DOCK11: variants seen among roughly 807,000 people sequenced by gnomAD.
DOCK11 encodes the protein dedicator of cytokinesis protein 11.
Under a neutral mutation model 169.1 loss-of-function variants are expected in DOCK11, and 70 were observed. The observed-to-expected ratio is 0.41, with a 90% CI of 0.34 to 0.51. The LOEUF (loss-of-function observed/expected upper bound fraction) is 0.51. Among genes scored for constraint, DOCK11 ranks in the 20% least tolerant of loss-of-function variants. The pLI is 0.10. For synonymous variants in DOCK11, 529 were observed against 541.3 expected (o/e 0.98, Z 0.32); for missense variants, 1,166 against 1,538.8 (o/e 0.76, Z 4.05).
intron 1 of DOCK11, among the ~76,000 whole-genome samples, chrX:118,509,726 G>A (rs926903467): frequency 2.7e-5 from 3 of 112,470 alleles, no homozygotes; most frequent in Non-Finnish European, 3.8e-5. Flanking sequence ...TAACACAGAT[G>A]TGTTCCAGTT....
chrX:118,556,201 C>A (rs190032758), intron 6 of DOCK11, among the ~76,000 whole-genome samples: 37 of 107,888 alleles, frequency 3.4e-4, no homozygotes, highest in African/African-American at 1.2e-3. Flanking sequence ...TGCACCACCA[C>A]GCCCAGCTAA....
Position 118,575,382 on chromosome X carries a change from T to G in DOCK11, c.1389+1364T>G, listed in dbSNP as rs766013482. Among the ~76,000 whole-genome samples the G allele has an allele frequency of 1.2e-4, 13 of 112,614 alleles. No homozygotes were observed. In the East Asian group the frequency reaches 3.3e-3, roughly 29 times the overall value. ...ATGACATTTCATTGATTTAGCTACT[T>G]AAGACATTTCTAATTATTTGCTATC... is the stretch of plus-strand genomic sequence containing the variant. On this transcript the variant is annotated intron_variant, in intron 12 of 52. Coordinates refer to ENST00000276202, the MANE Select transcript of DOCK11 (RefSeq NM_144658.4).
chrX:118,681,197 C>T lies in DOCK11; in HGVS notation c.5811C>T (p.Asp1937=), dbSNP rs757433157. The change falls in exon 50 of 53, where the codon GAC becomes GAT. Residue 1937 remains aspartate (D), a synonymous_variant. Transcript: ENST00000276202. ...TGCAAAAGCTTTGCTCCTCTACTGACGTGGACATGATTCAGCTCCAACTTA... is the reference window on the plus strand; with the variant it reads ...TGCAAAAGCTTTGCTCCTCTACTGATGTGGACATGATTCAGCTCCAACTTA... ...AELQKLCSST[D]VDMIQLQLKL... is the part of the protein sequence containing the mutation. 1 of 1,204,910 alleles carries T rather than the reference C, an allele frequency of 8.3e-7. No individual in the cohort carries two copies. The highest frequency in any genetic ancestry group is 1.8e-5 in the South Asian group (1 of 55,123).
intron 23 of DOCK11, among the ~76,000 whole-genome samples, chrX:118,603,246 G>A (rs752173735): frequency 1.1e-4 from 12 of 113,001 alleles, no homozygotes; most frequent in African/African-American, 3.8e-4. Flanking sequence ...GCATTGTGAG[G>A]GGAGGATGGC....
intron 23 of DOCK11, among the ~76,000 whole-genome samples, chrX:118,602,771 G>A (rs1197160878): frequency 8.9e-6 from 1 of 111,897 alleles, no homozygotes; most frequent in Non-Finnish European, 1.9e-5. Flanking sequence ...GAACTCCTGA[G>A]TTCAAGTAAT....
chrX:118,580,191 TATA>T lies in DOCK11; in HGVS notation c.1595+15_1595+17del, dbSNP rs772915717. 9.2e-6 allele frequency: 11 copies of T among 1,192,353 alleles called. No homozygotes were observed. The highest frequency in any genetic ancestry group is 1.1e-5 in the Non-Finnish European group (10 of 881,657). Reference sequence around the variant, plus strand: ...GCTTGGGCTGCCAGGTTTGTACAAATATAATCCTGACCCGCTCACTCGTGTTCA... The same window carrying T: ...GCTTGGGCTGCCAGGTTTGTACAAATATCCTGACCCGCTCACTCGTGTTCA... On this transcript the variant is annotated intron_variant, in intron 14 of 52. Coordinates refer to ENST00000276202, the MANE Select transcript of DOCK11 (RefSeq NM_144658.4).
intron 38 of DOCK11, 91 bp downstream of exon 38, chrX:118,639,668 C>T: frequency 3.1e-6 from 3 of 962,885 alleles, no homozygotes; most frequent in Middle Eastern, 3.5e-4. Flanking sequence ...ACCATAAATA[C>T]CTTGATCATT....
At chrX:118,646,922 A>G (rs938330455) in intron 40 of DOCK11, among the ~76,000 whole-genome samples, 1 of 111,304 alleles carries the variant, frequency 9.0e-6, no homozygotes, top group Non-Finnish European at 1.9e-5. Flanking sequence ...AAAAACATCT[A>G]TTGTGTATCC....
At chrX:118,681,657 C>A in intron 50 of DOCK11, 37 bp from the exon 51 acceptor site, 1 of 1,012,131 alleles carries the variant, frequency 9.9e-7, no homozygotes, top group Non-Finnish European at 1.3e-6. Flanking sequence ...TTATTGCATT[C>A]TGGAAACACT....
intron 1 of DOCK11, among the ~76,000 whole-genome samples, chrX:118,541,599 CAGTT>C (rs1301127814): frequency 1.8e-5 from 2 of 112,017 alleles, no homozygotes; most frequent in Non-Finnish European, 3.8e-5. Flanking sequence ...TACTTAACCT[CAGTT>C]AGGTCCAGAG....
chrX:118,644,745 T>G (rs1248495467), intron 40 of DOCK11, among the ~76,000 whole-genome samples: 2 of 112,061 alleles, frequency 1.8e-5, no homozygotes, highest in African/African-American at 6.5e-5. Context: ...AAACTAAAGA[T>G]GTAAATGGAG....
intron 36 of DOCK11, among the ~76,000 whole-genome samples, chrX:118,637,454 G>T (rs1250634877): frequency 8.9e-6 from 1 of 111,905 alleles, no homozygotes; most frequent in Non-Finnish European, 1.9e-5. Flanking sequence ...GAACCTTTTA[G>T]AGATATTATT....
At position 118,639,571 on chromosome X, in the gene DOCK11, A is replaced by G. The variant is rs1451986605; in HGVS notation, c.4138A>G (p.Asn1380Asp). The G allele has an allele frequency of 1.7e-6, 2 of 1,208,661 alleles. No homozygotes were observed. Among genetic ancestry groups the G allele is most frequent in the Non-Finnish European group, 1.1e-6 (1 of 893,479 alleles). ...LSSLESSFTL[N>D]HSSTTTEADI... ...TAGCCTAGAAAGTTCATTTACACTT[A>G]ATCACAGTAAGTGAAAATGTGTGTG... The change falls in exon 38 of 53, where the codon AAT becomes GAT. Residue 1380 changes from asparagine to aspartate, a missense_variant. By Grantham distance (23) the Asn-to-Asp change is conservative (BLOSUM62 1). Transcript: ENST00000276202.
intron 40 of DOCK11, among the ~76,000 whole-genome samples, chrX:118,644,584 A>G (rs900193512): frequency 1.8e-5 from 2 of 112,090 alleles, no homozygotes; most frequent in Non-Finnish European, 3.8e-5. Context: ...AGGCACACAC[A>G]CATCAAGATA....
chrX:118,629,816 A>ATTTT lies in DOCK11; in HGVS notation c.3775-546_3775-543dup, dbSNP rs67646403. On this transcript the variant is annotated intron_variant, in intron 34 of 52. Coordinates refer to ENST00000276202, the MANE Select transcript of DOCK11 (RefSeq NM_144658.4). ...GGCATGCACCATCACACCCAGCTAA[A>ATTTT]TTTTTTTTTTTTTTTTTTTTGTAGA... Among the ~76,000 whole-genome samples the ATTTT allele has an allele frequency of 4.6e-3, 346 of 75,405 alleles. 5 individuals carry two copies. Among genetic ancestry groups the ATTTT allele is most frequent in the African/African-American group, 0.016 (325 of 20,344 alleles). The allele number at this position is 75,405 out of a possible 115,157, so 65.5% of individuals were successfully genotyped here. A position where few individuals can be genotyped will look rare whatever the true frequency, so the allele number is the denominator to read the frequency against.
chrX:118,685,053 A>G (rs2016828159), intron 52 of DOCK11, among the ~76,000 whole-genome samples: 1 of 111,761 alleles, frequency 8.9e-6, no homozygotes, highest in Admixed American at 9.5e-5. Flanking sequence ...TTTTCTTTAG[A>G]TTACACAAAA....
At chrX:118,679,418 G>T (rs1262168608) in intron 48 of DOCK11, among the ~76,000 whole-genome samples, 1 of 111,826 alleles carries the variant, frequency 8.9e-6, no homozygotes, top group Non-Finnish European at 1.9e-5. Context: ...TATCCATACA[G>T]CCATTAAAAG....
At position 118,568,092 on chromosome X, in the gene DOCK11, C is replaced by A. The variant is rs1300323374; in HGVS notation, c.965C>A (p.Thr322Asn). Residue 322 changes from threonine to asparagine, a missense_variant, in exon 10 of 53, where the codon ACT becomes AAT. Coordinates refer to ENST00000276202, the MANE Select transcript of DOCK11 (RefSeq NM_144658.4). ...HPELMKYGRE[T>N]EQLNKLSRGD... ...TTAAAATTTTAGTATGGAAGAGAAA[C>A]TGAACAACTAAACAAACTCAGTAGA... 1.1e-5 allele frequency: 13 copies of A among 1,145,214 alleles called. No homozygotes were observed. Among genetic ancestry groups the A allele is most frequent in the Non-Finnish European group, 1.5e-5 (13 of 859,270 alleles). 94.4% of individuals were successfully genotyped at this position (1,145,214 alleles called of 1,213,427 possible).
At chrX:118,498,476 A>ACT (rs966715706) in intron 1 of DOCK11, among the ~76,000 whole-genome samples, 1 of 111,953 alleles carries the variant, frequency 8.9e-6, no homozygotes, top group Non-Finnish European at 1.9e-5. Context: ...CTCCTAAATG[A>ACT]CTCTCTCTCA....
Sources: gnomAD v4.1 joint callset for allele counts (sites outside exome capture counted in the v4.1 genomes callset) on GRCh38, gnomAD v4.1.1 for gene constraint, MANE v1.5 for transcripts, NCBI Gene and HGNC (gene_info 2026-07-23, HGNC 2026-07-21) for gene names.